EXOC5: variants seen among roughly 807,000 people sequenced by gnomAD.
EXOC5 encodes the protein exocyst complex component 5, also known as SEC10-like 1.
A neutral mutation model predicts 90.8 loss-of-function variants in EXOC5; 17 were observed. The observed-to-expected ratio is 0.19, with a 90% CI of 0.13 to 0.28. The LOEUF (loss-of-function observed/expected upper bound fraction) is 0.28, where lower values mean the gene tolerates loss of function less well. EXOC5 is among the 10% of genes least tolerant of loss of function. The pLI is 1.00. For synonymous variants in EXOC5, 260 were observed against 270.0 expected (o/e 0.96, Z 0.36); for missense variants, 569 against 830.6 (o/e 0.69, Z 3.87).
rs115923924 is a variant in EXOC5 at position 57,240,809 on chromosome 14, C to G, written c.466-1150G>C. ...TTACATTTGAAAAAACAGTGAGACT[C>G]ATAAATACGAAGGAAGAGCTAAGAA... On this transcript the variant is annotated intron_variant, in intron 4 of 17. Transcript: ENST00000621441. Among the ~76,000 whole-genome samples, 511 of 152,242 alleles carry G rather than the reference C, an allele frequency of 3.4e-3. 3 individuals are homozygous for G. Among genetic ancestry groups the G allele is most frequent in the African/African-American group, 0.012 (489 of 41,550 alleles).
At chr14:57,266,707 A>T (rs1004526032) in intron 1 of EXOC5, among the ~76,000 whole-genome samples, 1 of 19,776 alleles carries the variant, frequency 5.1e-5, no homozygotes, top group African/African-American at 3.2e-3. Flanking sequence ...TATATACGTT[A>T]TATATATATA....
chr14:57,248,871 C>T (rs553668445), intron 1 of EXOC5, among the ~76,000 whole-genome samples: 9 of 152,216 alleles, frequency 5.9e-5, no homozygotes, highest in Non-Finnish European at 1.0e-4. Flanking sequence ...CATTTAGCAA[C>T]ATATTTAGAT....
chr14:57,250,530 T>C (rs1884159696), intron 1 of EXOC5, among the ~76,000 whole-genome samples: 1 of 152,200 alleles, frequency 6.6e-6, no homozygotes, highest in Non-Finnish European at 1.5e-5. Flanking sequence ...TATACGGTGC[T>C]AGTTGGCACT....
chr14:57,205,971 C>G lies in EXOC5; in HGVS notation c.*2638G>C, dbSNP rs1174888270. ...ATAATTCTTCATAAGGACACTTCAT[C>G]TACTCTGGTTGACTGTCATTTTCAA... On this transcript the variant is annotated 3_prime_UTR_variant, in exon 18 of 18. Transcript: ENST00000621441. 1 of 456,054 alleles carries G rather than the reference C, an allele frequency of 2.2e-6. No individual in the cohort carries two copies. The highest frequency in any genetic ancestry group is 4.4e-6 in the Non-Finnish European group (1 of 226,654). 28.3% of individuals were successfully genotyped at this position (456,054 alleles called of 1,614,324 possible).
rs375548706 is a variant in EXOC5, at chr14:57,234,510, CGTGT to C, written c.670-482_670-479del. On this transcript the variant is annotated intron_variant, in intron 7 of 17. Coordinates refer to ENST00000621441, the MANE Select transcript of EXOC5 (RefSeq NM_006544.4). Reference sequence around the variant, plus strand: ...ATATATATTAAAGTGTGTATATATACGTGTGTGTGTGTGTGTGTGTGTGTGTGTA... The same window carrying C: ...ATATATATTAAAGTGTGTATATATACGTGTGTGTGTGTGTGTGTGTGTGTA... Among the ~76,000 whole-genome samples the C allele has an allele frequency of 8.9e-3, 1,162 of 130,594 alleles. 14 individuals are homozygous for C. The highest frequency in any genetic ancestry group is 0.027 in the African/African-American group (952 of 35,680). 85.7% of individuals were successfully genotyped at this position (130,594 alleles called of 152,430 possible).
chr14:57,228,916 T>C (rs1451443124), intron 12 of EXOC5, among the ~76,000 whole-genome samples: 1 of 152,082 alleles, frequency 6.6e-6, no homozygotes. Context: ...TTAGCTACTA[T>C]TATTTGTTTC....
chr14:57,229,228 C>T (rs535793495), intron 12 of EXOC5, among the ~76,000 whole-genome samples: 2 of 152,256 alleles, frequency 1.3e-5, no homozygotes, highest in East Asian at 1.9e-4. Context: ...TAAAATTATT[C>T]TGTTCTCCAA....
intron 1 of EXOC5, among the ~76,000 whole-genome samples, chr14:57,261,316 G>C (rs1209571316): frequency 1.3e-5 from 2 of 152,102 alleles, no homozygotes; most frequent in South Asian, 2.1e-4. Flanking sequence ...TAATTTCCTG[G>C]GAACACCAGG....
intron 12 of EXOC5, among the ~76,000 whole-genome samples, chr14:57,227,450 T>A (rs1439848505): frequency 2.0e-5 from 3 of 152,182 alleles, no homozygotes; most frequent in African/African-American, 7.2e-5. Flanking sequence ...GAGAGTTTGC[T>A]TTTAATTTTT....
chr14:57,262,715 ATG>A (rs955684035), intron 1 of EXOC5, among the ~76,000 whole-genome samples: 1 of 110,944 alleles, frequency 9.0e-6, no homozygotes, highest in Non-Finnish European at 1.7e-5. Context: ...ATGTATATAT[ATG>A]TGTGTGTATA....
At chr14:57,235,562 A>C in intron 7 of EXOC5, 149 bp downstream of exon 7, 1 of 469,314 alleles carries the variant, frequency 2.1e-6, no homozygotes. Context: ...CCATTTACAG[A>C]GTATCAAATG....
chr14:57,250,223 A>T (rs1223803132), intron 1 of EXOC5, among the ~76,000 whole-genome samples: 1 of 152,180 alleles, frequency 6.6e-6, no homozygotes, highest in Non-Finnish European at 1.5e-5. Context: ...ATCCATGAAA[A>T]GAGGCCAGTG....
Position 57,239,616 on chromosome 14 carries a change from G to A in EXOC5, c.509C>T (p.Ala170Val). Residue 170 changes from alanine (A) to valine (V), a missense_variant, in exon 5 of 18, where the codon GCC becomes GTC. Physicochemically the swap from Ala to Val is moderately conservative, Grantham distance 64. Around this residue, in one of 9 missense-constraint regions of EXOC5, gnomAD observed 97 missense variants for 177.9 expected, o/e 0.55. Transcript: ENST00000621441. ...TTGCCTATCAAAAGGTAACTCTTGG[G>A]CAATTAGGTGCAACTTCTGAATGAT... Reference protein sequence around the residue: ...ADIIQKLHLIAQELPFDRFSE... With the variant: ...ADIIQKLHLIVQELPFDRFSE... 1 of 1,539,494 alleles carries A rather than the reference G, an allele frequency of 6.5e-7. No individual in the cohort carries two copies. The highest frequency in any genetic ancestry group is 8.8e-7 in the Non-Finnish European group (1 of 1,139,174).
chr14:57,202,122 C>T lies in EXOC5; in HGVS notation c.*6487G>A, dbSNP rs1389510762. On this transcript the variant is annotated 3_prime_UTR_variant, in exon 18 of 18. Coordinates refer to ENST00000621441, the MANE Select transcript of EXOC5 (RefSeq NM_006544.4). Reference sequence around the variant, plus strand: ...TCCGTGGTATGTCTGCCAAAAAGCACAAACAGAATCTAATTACGTGGAAAC... The same window carrying T: ...TCCGTGGTATGTCTGCCAAAAAGCATAAACAGAATCTAATTACGTGGAAAC... 6.6e-6 allele frequency: 1 copy of T among 152,048 alleles called. No individual in the cohort carries two copies. The highest frequency in any genetic ancestry group is 2.4e-5 in the African/African-American group (1 of 41,408). 9.4% of individuals were successfully genotyped at this position (152,048 alleles called of 1,614,324 possible).
intron 1 of EXOC5, among the ~76,000 whole-genome samples, chr14:57,260,930 ATATTCT>A (rs1169575237): frequency 1.3e-5 from 2 of 152,228 alleles, no homozygotes; most frequent in Non-Finnish European, 2.9e-5. Flanking sequence ...CACACGTTAA[ATATTCT>A]TACAGGCATT....
chr14:57,238,221 TATACACACAC>T (rs1318043901), intron 5 of EXOC5, among the ~76,000 whole-genome samples: 25 of 93,260 alleles, frequency 2.7e-4, no homozygotes, highest in African/African-American at 6.6e-4. Context: ...TCCACATATA[TATACACACAC>T]ACACACACAC....
chr14:57,245,162 C>A (rs1010487044), intron 3 of EXOC5, among the ~76,000 whole-genome samples: 2 of 151,998 alleles, frequency 1.3e-5, no homozygotes, highest in Non-Finnish European at 2.9e-5. Context: ...ATATTCTTTC[C>A]CTTCTCCCAG....
intron 12 of EXOC5, among the ~76,000 whole-genome samples, chr14:57,228,655 T>A (rs1454771583): frequency 1.5e-5 from 2 of 134,044 alleles, no homozygotes; most frequent in Admixed American, 8.6e-5. Flanking sequence ...AGTTGAACAA[T>A]GAGAACACAT....
chr14:57,227,943 TATACACAC>T (rs1418322289), intron 12 of EXOC5, among the ~76,000 whole-genome samples: 2 of 123,622 alleles, frequency 1.6e-5, no homozygotes, highest in Non-Finnish European at 1.5e-5. Context: ...TACATATATA[TATACACAC>T]ACACACACAC....
Sources: gnomAD v4.1 joint callset for allele counts (sites outside exome capture counted in the v4.1 genomes callset) on GRCh38, gnomAD v4.1.1 for gene constraint, gnomAD v4.1.1 regional missense constraint, MANE v1.5 for transcripts, NCBI Gene and HGNC (gene_info 2026-07-23, HGNC 2026-07-21) for gene names.